PHF14: variants seen among roughly 807,000 people sequenced by gnomAD.
The protein encoded by PHF14 is PHD finger protein 14.
Under a neutral mutation model 117.9 loss-of-function variants are expected in PHF14, and 55 were observed. That is an observed-to-expected ratio of 0.47 (90% CI 0.38 to 0.58). The LOEUF (loss-of-function observed/expected upper bound fraction) is 0.58. Among genes scored for constraint, PHF14 ranks in the 20% least tolerant of loss-of-function variants. The pLI, the probability that PHF14 is intolerant of heterozygous loss-of-function variation, is 0.00. For missense variants in PHF14, 978 were observed against 1,122.2 expected (o/e 0.87, Z 1.84); for synonymous variants, 409 against 368.6 (o/e 1.11, Z -1.26).
chr7:11,097,549 T>C (rs1321392900), intron 16 of PHF14, among the ~76,000 whole-genome samples: 1 of 152,170 alleles, frequency 6.6e-6, no homozygotes, highest in Non-Finnish European at 1.5e-5. Flanking sequence ...TTTGAGATAT[T>C]GAGCTCTTCA....
At chr7:11,068,078 C>T (rs1007625718) in intron 16 of PHF14, among the ~76,000 whole-genome samples, 3 of 152,070 alleles carry the variant, frequency 2.0e-5, no homozygotes, top group African/African-American at 4.8e-5. Context: ...GGGCCGGGTG[C>T]GGTGGCTCAC....
intron 17 of PHF14, among the ~76,000 whole-genome samples, chr7:11,146,540 C>G (rs1197250155): frequency 6.6e-6 from 1 of 151,892 alleles, no homozygotes; most frequent in African/African-American, 2.4e-5. Context: ...TATTATATAC[C>G]CCTGACTACA....
chr7:11,071,470 C>T (rs1316883724), intron 16 of PHF14, among the ~76,000 whole-genome samples: 2 of 152,192 alleles, frequency 1.3e-5, no homozygotes, highest in Admixed American at 1.3e-4. Flanking sequence ...TTAAAACACC[C>T]ACTTCCTTTG....
intron 5 of PHF14, among the ~76,000 whole-genome samples, chr7:11,017,484 G>T (rs115437535): frequency 0.013 from 1,924 of 152,220 alleles, 42 homozygotes; most frequent in East Asian, 0.1. Context: ...GCATTTCTCT[G>T]ATGATCAAGG....
chr7:11,127,740 G>A (rs1156422480), intron 17 of PHF14, among the ~76,000 whole-genome samples: 1 of 151,922 alleles, frequency 6.6e-6, no homozygotes, highest in African/African-American at 2.4e-5. Context: ...ACCAAATTTT[G>A]TGTAAGACTT....
intron 17 of PHF14, among the ~76,000 whole-genome samples, chr7:11,164,169 A>G (rs4719260): frequency 0.54 from 81,471 of 151,812 alleles, 24,095 homozygotes; most frequent in East Asian, 0.82. Context: ...CTGTTGTACC[A>G]CCATGGATGT....
intron 17 of PHF14, among the ~76,000 whole-genome samples, chr7:11,115,126 T>G (rs554242450): frequency 1.3e-5 from 2 of 152,200 alleles, no homozygotes; most frequent in South Asian, 4.1e-4. Context: ...AATCACTTCC[T>G]GAGTCCTATA....
intron 14 of PHF14, among the ~76,000 whole-genome samples, chr7:11,058,913 ATAT>A (rs1785109304): frequency 1.3e-5 from 2 of 151,728 alleles, no homozygotes; most frequent in Admixed American, 6.6e-5. Flanking sequence ...CTCTAAGATA[ATAT>A]TATTTTATAT....
At chr7:11,111,184 A>C in intron 16 of PHF14, 166 bp from the exon 17 acceptor site, 1 of 485,204 alleles carries the variant, frequency 2.1e-6, no homozygotes, top group Non-Finnish European at 3.7e-6. Context: ...TTTCAGGTTT[A>C]GTTTGCCTTT....
chr7:11,035,020 A>C (rs1303448772), intron 7 of PHF14, among the ~76,000 whole-genome samples: 1 of 152,020 alleles, frequency 6.6e-6, no homozygotes, highest in Non-Finnish European at 1.5e-5. Context: ...ATTTGTTTTA[A>C]ACAGTGACTT....
intron 16 of PHF14, among the ~76,000 whole-genome samples, chr7:11,090,104 A>G (rs1466018012): frequency 6.6e-6 from 1 of 152,114 alleles, no homozygotes; most frequent in African/African-American, 2.4e-5. Context: ...TACGTGTGTC[A>G]TTTTTTTATA....
intron 6 of PHF14, among the ~76,000 whole-genome samples, chr7:11,024,866 A>G (rs1386460560): frequency 6.6e-6 from 1 of 152,234 alleles, no homozygotes; most frequent in Non-Finnish European, 1.5e-5. Flanking sequence ...TCAAGGAGTC[A>G]TTTTGACTTT....
At chr7:11,101,994 A>G (rs1583467047) in intron 16 of PHF14, among the ~76,000 whole-genome samples, 1 of 151,718 alleles carries the variant, frequency 6.6e-6, no homozygotes, top group Non-Finnish European at 1.5e-5. Flanking sequence ...TCATTTGAAA[A>G]TTTCTTCCCC....
chr7:11,026,495 C>A (rs1783915478), intron 6 of PHF14, among the ~76,000 whole-genome samples: 1 of 152,052 alleles, frequency 6.6e-6, no homozygotes, highest in Admixed American at 6.5e-5. Flanking sequence ...GTTATTTGAG[C>A]ATTAACAGAT....
intron 17 of PHF14, among the ~76,000 whole-genome samples, chr7:11,153,800 C>G (rs1048030710): frequency 2.6e-5 from 4 of 152,078 alleles, no homozygotes; most frequent in African/African-American, 9.7e-5. Context: ...TTAAAGAAGA[C>G]TTTGTTTTCT....
Position 11,156,643 on chromosome 7 carries a change from A to G in PHF14, c.2773-12773A>G, listed in dbSNP as rs539551651. Reference sequence around the variant, plus strand: ...ACCCTATCTCTACTAAAAAATACAAAAATTAGCCGGGTGTAGTGGCAGGCG... The same window carrying G: ...ACCCTATCTCTACTAAAAAATACAAGAATTAGCCGGGTGTAGTGGCAGGCG... On this transcript the variant is annotated intron_variant, in intron 17 of 17. Coordinates refer to ENST00000634607, the MANE Select transcript of PHF14 (RefSeq NM_001007157.2). 2.6e-5 allele frequency among the ~76,000 whole-genome samples: 4 copies of G among 152,232 alleles called. No homozygotes were observed. In the East Asian group the frequency reaches 7.7e-4, roughly 29 times the overall value.
At chr7:11,047,501 A>G (rs560013938) in intron 13 of PHF14, among the ~76,000 whole-genome samples, 1 of 151,942 alleles carries the variant, frequency 6.6e-6, no homozygotes, top group East Asian at 2.0e-4. Context: ...GAAGGTATAG[A>G]AAATTGAGAA....
chr7:11,052,575 A>G (rs1339452262), intron 14 of PHF14, among the ~76,000 whole-genome samples: 1 of 152,204 alleles, frequency 6.6e-6, no homozygotes, highest in Non-Finnish European at 1.5e-5. Flanking sequence ...TTTCCAAACC[A>G]GTTCACACTC....
chr7:10,977,353 C>T (rs988622814), intron 2 of PHF14, among the ~76,000 whole-genome samples: 2 of 152,092 alleles, frequency 1.3e-5, no homozygotes, highest in Non-Finnish European at 2.9e-5. Context: ...TGGTTAGATT[C>T]GTTGGCCTTA....
Sources: allele counts gnomAD v4.1 joint callset (sites outside exome capture counted in the v4.1 genomes callset), GRCh38; gene constraint gnomAD v4.1.1; transcripts MANE v1.5; gene names NCBI Gene and HGNC (gene_info 2026-07-23, HGNC 2026-07-21).